LRP5: variants seen among roughly 807,000 people sequenced by gnomAD.
LRP5 encodes the protein LDL receptor related protein 5.
A neutral mutation model predicts 154.1 loss-of-function variants in LRP5; 62 were observed. The ratio of observed to expected loss-of-function variants is 0.40; its 90% CI spans 0.33 to 0.50. The LOEUF is 0.50. Ranked by LOEUF, LRP5 falls within the 20% of genes least tolerant of loss-of-function variation. LRP5 has a pLI of 0.55. For synonymous variants in LRP5, 966 were observed against 1,011.5 expected, an observed-to-expected ratio of 0.96 and a Z score of 0.85; for missense variants, 1,915 against 2,336.7, an observed-to-expected ratio of 0.82 and a Z score of 3.72.
At chr11:68,328,930 C>T (rs371539721) in intron 1 of LRP5, among the ~76,000 whole-genome samples, 9 of 152,218 alleles carry the variant, frequency 5.9e-5, no homozygotes, top group East Asian at 3.8e-4. Flanking sequence ...AGACCTTCCT[C>T]GGCTGCTCTG....
rs891485951 is a variant in LRP5 at position 68,322,061 on chromosome 11, G to C, written c.91+9256G>C. On this transcript the variant is annotated intron_variant, in intron 1 of 22. Coordinates refer to ENST00000294304, the MANE Select transcript of LRP5 (RefSeq NM_002335.4). Reference sequence around the variant, plus strand: ...GATATGTTCTGGGGCTTGCTTCTGCGGGTAAAGGCCATTTCTCCAAACTTT... The same window carrying C: ...GATATGTTCTGGGGCTTGCTTCTGCCGGTAAAGGCCATTTCTCCAAACTTT... Among the ~76,000 whole-genome samples the C allele has an allele frequency of 3.3e-5, 5 of 152,310 alleles. No homozygotes were observed. In the East Asian group the frequency reaches 9.6e-4, roughly 29 times the overall value.
At chr11:68,440,734 T>C (rs2098677741) in intron 21 of LRP5, among the ~76,000 whole-genome samples, 2 of 152,146 alleles carry the variant, frequency 1.3e-5, no homozygotes, top group African/African-American at 2.4e-5. Flanking sequence ...CTTCTGGGTA[T>C]CCCTCACATC....
chr11:68,322,457 G>A (rs1253810216), intron 1 of LRP5, among the ~76,000 whole-genome samples: 2 of 152,042 alleles, frequency 1.3e-5, no homozygotes, highest in Non-Finnish European at 1.5e-5. Flanking sequence ...TCAGACAGTC[G>A]TGCCCATTCT....
the LRP5 span, among the ~76,000 whole-genome samples, chr11:68,301,175 G>A: frequency 4.0e-5 from 6 of 149,298 alleles, no homozygotes; most frequent in South Asian, 2.1e-4. Flanking sequence ...CAGGTGATCC[G>A]CCTACCTTGG....
chr11:68,429,500 C>T lies in LRP5; in HGVS notation c.3638-75C>T, dbSNP rs139184893. On this transcript the variant is annotated intron_variant, in intron 16 of 22. Coordinates refer to ENST00000294304, the MANE Select transcript of LRP5 (RefSeq NM_002335.4). ...CCAGTTCTCATGAGTTCTCATTTGGCCCCTACCCTCCAGGCTGTGGTTCTG... is the reference window on the plus strand; with the variant it reads ...CCAGTTCTCATGAGTTCTCATTTGGTCCCTACCCTCCAGGCTGTGGTTCTG... 163 of 1,597,088 alleles carry T rather than the reference C, an allele frequency of 1.0e-4. No individual in the cohort carries two copies. In the African/African-American group the frequency reaches 1.2e-3, roughly 11 times the overall value.
intron 1 of LRP5, among the ~76,000 whole-genome samples, chr11:68,331,503 G>A (rs910627545): frequency 6.6e-6 from 1 of 152,234 alleles, no homozygotes; most frequent in Non-Finnish European, 1.5e-5. Flanking sequence ...GGACCTGCCT[G>A]GCCCATCTCC....
intron 7 of LRP5, among the ~76,000 whole-genome samples, chr11:68,401,555 C>T (rs899953250): frequency 3.3e-5 from 5 of 152,192 alleles, no homozygotes; most frequent in African/African-American, 1.2e-4. Context: ...TAATCTGAGC[C>T]CCTCAGTTAC....
At chr11:68,385,214 G>A (rs1211133307) in intron 5 of LRP5, among the ~76,000 whole-genome samples, 1 of 152,192 alleles carries the variant, frequency 6.6e-6, no homozygotes, top group Non-Finnish European at 1.5e-5. Flanking sequence ...ATCCTGAGAG[G>A]ACCAGGCTCT....
intron 2 of LRP5, among the ~76,000 whole-genome samples, chr11:68,352,854 G>A (rs1162680761): frequency 6.6e-6 from 1 of 152,024 alleles, no homozygotes; most frequent in Non-Finnish European, 1.5e-5. Flanking sequence ...GAGGTGCTAG[G>A]CGCTTGGTTG....
chr11:68,307,388 C>G, the LRP5 span, among the ~76,000 whole-genome samples: 1 of 151,454 alleles, frequency 6.6e-6, no homozygotes, highest in Non-Finnish European at 1.5e-5. Flanking sequence ...GATTATAGGC[C>G]GGGGGGTGGC....
At chr11:68,359,792 T>A (rs796157293) in intron 3 of LRP5, among the ~76,000 whole-genome samples, 26 of 141,498 alleles carry the variant, frequency 1.8e-4, no homozygotes, top group African/African-American at 7.4e-4. Flanking sequence ...GTTTGTTTGT[T>A]TTTTTTTTTT....
rs1240870304 is a variant in LRP5 at position 68,319,113 on chromosome 11, C to T, written c.91+6308C>T. On this transcript the variant is annotated intron_variant, in intron 1 of 22. Coordinates refer to ENST00000294304, the MANE Select transcript of LRP5 (RefSeq NM_002335.4). ...TTTTTTTTGAGACAGGAGTCTCACTCACGCCCAGGATGGAGTGCGGTGGCA... is the reference window on the plus strand; with the variant it reads ...TTTTTTTTGAGACAGGAGTCTCACTTACGCCCAGGATGGAGTGCGGTGGCA... Among the ~76,000 whole-genome samples, 4 of 143,306 alleles carry T rather than the reference C, an allele frequency of 2.8e-5. No individual in the cohort carries two copies. In the East Asian group the frequency reaches 6.3e-4, roughly 23 times the overall value. 94.0% of individuals were successfully genotyped at this position (143,306 alleles called of 152,430 possible).
chr11:68,434,681 G>T (rs563418942), intron 18 of LRP5, among the ~76,000 whole-genome samples: 1 of 152,230 alleles, frequency 6.6e-6, no homozygotes, highest in East Asian at 1.9e-4. Context: ...CGCCCGGCCT[G>T]AGTTTTCCTT....
chr11:68,367,106 G>T (rs1157778592), intron 5 of LRP5, among the ~76,000 whole-genome samples: 1 of 152,138 alleles, frequency 6.6e-6, no homozygotes, highest in Admixed American at 6.5e-5. Flanking sequence ...GGGGCCCTTC[G>T]CTGTTGACCG....
intron 1 of LRP5, among the ~76,000 whole-genome samples, chr11:68,343,875 C>T (rs2098610579): frequency 6.6e-6 from 1 of 152,076 alleles, no homozygotes. Context: ...CTCCTGGTAG[C>T]GGGTGCTGCA....
At chr11:68,427,895 G>A (rs1591315152) in intron 16 of LRP5, among the ~76,000 whole-genome samples, 1 of 151,958 alleles carries the variant, frequency 6.6e-6, no homozygotes, top group Non-Finnish European at 1.5e-5. Context: ...GGACACATTT[G>A]GTTAACTGGA....
intron 13 of LRP5, among the ~76,000 whole-genome samples, chr11:68,421,795 G>A (rs1591307612): frequency 8.7e-6 from 1 of 114,872 alleles, no homozygotes; most frequent in South Asian, 2.4e-4. Flanking sequence ...TGTGTGTGTG[G>A]GGTGTGTGTG....
At chr11:68,372,504 T>TGCAGTGTCAGGC (rs2098634802) in intron 5 of LRP5, among the ~76,000 whole-genome samples, 12 of 57,452 alleles carry the variant, frequency 2.1e-4, no homozygotes, top group East Asian at 6.3e-4. Flanking sequence ...ACCGGGGACT[T>TGCAGTGTCAGGC]GGAGCACCTA....
intron 5 of LRP5, among the ~76,000 whole-genome samples, chr11:68,385,023 C>G (rs2098642233): frequency 6.6e-6 from 1 of 152,222 alleles, no homozygotes; most frequent in Non-Finnish European, 1.5e-5. Flanking sequence ...TCAGGTCACA[C>G]TGGTGAGTTA....
Sources: allele counts gnomAD v4.1 joint callset (sites outside exome capture counted in the v4.1 genomes callset), GRCh38; gene constraint gnomAD v4.1.1; transcripts MANE v1.5; gene names NCBI Gene and HGNC (gene_info 2026-07-23, HGNC 2026-07-21).